Variants in PUM3 observed in about 807,000 individuals in gnomAD.
PUM3 encodes pumilio RNA binding family member 3, also known as pumilio homolog 3.
In PUM3, 91 loss-of-function variants were observed where a neutral mutation model predicts 84.0. The ratio of observed to expected loss-of-function variants is 1.08; its 90% CI spans 0.91 to 1.29. PUM3 has a LOEUF of 1.29. PUM3 is among the 50% of genes most tolerant of loss of function. PUM3 has a pLI of 0.00. For missense variants in PUM3, 1,067 were observed against 767.5 expected, an observed-to-expected ratio of 1.39 and a Z score of -4.61; for synonymous variants, 321 against 266.7, an observed-to-expected ratio of 1.20 and a Z score of -1.98.
intron 12 of PUM3, among the ~76,000 whole-genome samples, chr9:2,821,976 A>G (rs902608807): frequency 5.9e-5 from 9 of 152,222 alleles, no homozygotes; most frequent in African/African-American, 2.2e-4. Flanking sequence ...AAAATGACCC[A>G]TAATATGAAT....
chr9:2,819,382 C>A (rs1033425750), intron 13 of PUM3, among the ~76,000 whole-genome samples: 1 of 152,198 alleles, frequency 6.6e-6, no homozygotes, highest in Non-Finnish European at 1.5e-5. Flanking sequence ...AGTATTACCA[C>A]TTTATGGCCA....
chr9:2,834,290 G>C, intron 3 of PUM3, 124 bp from the exon 4 acceptor site: 1 of 747,134 alleles, frequency 1.3e-6, no homozygotes, highest in Non-Finnish European at 2.1e-6. Flanking sequence ...CTAAAAAGGG[G>C]AACATACCAT....
Position 2,813,485 on chromosome 9 carries a change from G to A in PUM3, c.1270-1123C>T, listed in dbSNP as rs1409655910. Among the ~76,000 whole-genome samples the A allele has an allele frequency of 2.6e-5, 4 of 152,322 alleles. No individual in the cohort carries two copies. In the East Asian group the frequency reaches 7.7e-4, roughly 29 times the overall value. On this transcript the variant is annotated intron_variant, in intron 13 of 17. Transcript: ENST00000397885. ...GCCAGGTTTACAGATGAGGCATCCAGAAAGAGGAAAGGATCTGCCAGGGGA... is the reference window on the plus strand; with the variant it reads ...GCCAGGTTTACAGATGAGGCATCCAAAAAGAGGAAAGGATCTGCCAGGGGA...
At chr9:2,812,386 A>G in intron 13 of PUM3, 24 bp from the exon 14 acceptor site, 1 of 1,467,960 alleles carries the variant, frequency 6.8e-7, no homozygotes, top group Non-Finnish European at 9.4e-7. Flanking sequence ...AACAAAAAAA[A>G]AGAATCAATA....
intron 2 of PUM3, 118 bp from the exon 3 acceptor site, chr9:2,837,519 A>C: frequency 1.5e-6 from 1 of 656,576 alleles, no homozygotes; most frequent in South Asian, 2.0e-5. Flanking sequence ...TCTTACTCTC[A>C]AATATGCAAC....
chr9:2,838,901 G>C (rs139622452), intron 1 of PUM3, among the ~76,000 whole-genome samples: 2 of 152,060 alleles, frequency 1.3e-5, no homozygotes, highest in Non-Finnish European at 2.9e-5. Context: ...CAAAATTATC[G>C]CTTGATTTCT....
At chr9:2,806,903 A>G (rs1047144034) in intron 17 of PUM3, among the ~76,000 whole-genome samples, 1 of 152,196 alleles carries the variant, frequency 6.6e-6, no homozygotes, top group Non-Finnish European at 1.5e-5. Flanking sequence ...ACAGGGATGT[A>G]AGTTATTCAT....
At chr9:2,842,755 T>G (rs1816298745) in intron 1 of PUM3, among the ~76,000 whole-genome samples, 1 of 152,146 alleles carries the variant, frequency 6.6e-6, no homozygotes. Flanking sequence ...TACCTCTAAT[T>G]ATGTGTCTAA....
intron 8 of PUM3, among the ~76,000 whole-genome samples, chr9:2,829,048 T>C (rs1272316424): frequency 6.6e-6 from 1 of 152,182 alleles, no homozygotes; most frequent in African/African-American, 2.4e-5. Context: ...TGCCCAATTA[T>C]GAGATCAAGT....
Position 2,818,859 on chromosome 9 carries a change from A to G in PUM3, c.1269+1159T>C, listed in dbSNP as rs144753355. Among the ~76,000 whole-genome samples the G allele has an allele frequency of 5.8e-3, 878 of 152,306 alleles. 6 individuals are homozygous for G. The highest frequency in any genetic ancestry group is 0.015 in the African/African-American group (622 of 41,574). On this transcript the variant is annotated intron_variant, in intron 13 of 17. Transcript: ENST00000397885. ...ATCTAAGAAAACAATCTTCCCCTCC[A>G]CTAGCTGGTATACTTTTTCTACTAC... is the stretch of plus-strand genomic sequence containing the variant.
At chr9:2,832,120 G>A (rs958272044) in intron 5 of PUM3, among the ~76,000 whole-genome samples, 16 of 152,120 alleles carry the variant, frequency 1.1e-4, no homozygotes, top group African/African-American at 3.9e-4. Context: ...CAAATCAGGT[G>A]AGTGTATACT....
chr9:2,833,789 T>A (rs975837505), intron 4 of PUM3, among the ~76,000 whole-genome samples: 1 of 152,188 alleles, frequency 6.6e-6, no homozygotes, highest in East Asian at 1.9e-4. Flanking sequence ...TCAGGAAGAA[T>A]GTCAAATTTA....
At chr9:2,812,125 G>A in intron 14 of PUM3, 95 bp downstream of exon 14, 4 of 1,013,644 alleles carry the variant, frequency 3.9e-6, no homozygotes, top group Non-Finnish European at 6.1e-6. Flanking sequence ...AGCAGTTTTA[G>A]AGAGGGTATG....
chr9:2,830,404 T>A (rs1815944899), intron 7 of PUM3, among the ~76,000 whole-genome samples: 1 of 152,170 alleles, frequency 6.6e-6, no homozygotes, highest in Non-Finnish European at 1.5e-5. Context: ...AAGTACTAAT[T>A]CCACTTAATT....
In PUM3 at chr9:2,812,313, T is replaced by C; in HGVS notation, c.1319A>G (p.Lys440Arg). Reference protein sequence around the residue: ...PSIVNDKYGRKVLLYLLSPRD... With the variant: ...PSIVNDKYGRRVLLYLLSPRD... ...GGGGCTTAGTAAGTACAATAGGACC[T>C]TCCTTCCATATTTGTCATTTACTAT... Residue 440 changes from lysine to arginine, a missense_variant, in exon 14 of 18, where the codon AAG becomes AGG. By Grantham distance (26) the Lys-to-Arg change is conservative. Coordinates refer to ENST00000397885, the MANE Select transcript of PUM3 (RefSeq NM_014878.5). 1 of 1,599,478 alleles carries C rather than the reference T, an allele frequency of 6.3e-7. No individual in the cohort carries two copies. The highest frequency in any genetic ancestry group is 8.6e-7 in the Non-Finnish European group (1 of 1,166,776).
chr9:2,825,781 T>C (rs924394229), intron 10 of PUM3, among the ~76,000 whole-genome samples: 4 of 152,154 alleles, frequency 2.6e-5, no homozygotes, highest in African/African-American at 4.8e-5. Context: ...TGCCTGGCCC[T>C]ATATTTTCAA....
intron 4 of PUM3, among the ~76,000 whole-genome samples, chr9:2,833,791 T>C (rs947371998): frequency 6.6e-6 from 1 of 152,196 alleles, no homozygotes; most frequent in Non-Finnish European, 1.5e-5. Flanking sequence ...AGGAAGAATG[T>C]CAAATTTATT....
At chr9:2,827,022 A>G in intron 10 of PUM3, 51 bp downstream of exon 10, 1 of 1,445,256 alleles carries the variant, frequency 6.9e-7, no homozygotes, top group Non-Finnish European at 9.6e-7. Flanking sequence ...TCAAATTTCT[A>G]CACCGCTCCT....
chr9:2,810,528 A>T (rs1821345071), intron 15 of PUM3, 97 bp from the exon 16 acceptor site: 1 of 801,366 alleles, frequency 1.2e-6, no homozygotes, highest in African/African-American at 1.8e-5. Context: ...ACATACAGAT[A>T]AGGACTCAGC....
Sources: gnomAD v4.1 joint callset for allele counts (sites outside exome capture counted in the v4.1 genomes callset) on GRCh38, gnomAD v4.1.1 for gene constraint, MANE v1.5 for transcripts, NCBI Gene and HGNC (gene_info 2026-07-23, HGNC 2026-07-21) for gene names.